The following TAOK3 variants were observed in gnomAD, a reference collection of about 807,000 sequenced individuals.
TAOK3 encodes the protein serine/threonine-protein kinase TAO3.
TAOK3 carries 40 observed loss-of-function variants against 120.4 expected under a neutral mutation model. The observed-to-expected ratio is 0.33, with a 90% CI of 0.26 to 0.43. The LOEUF (loss-of-function observed/expected upper bound fraction) is 0.43. Among genes scored for constraint, TAOK3 ranks in the 20% least tolerant of loss-of-function variants. The pLI is 1.00. For missense variants in TAOK3, 821 were observed against 1,112.1 expected (o/e 0.74, Z 3.72); for synonymous variants, 355 against 387.5 (o/e 0.92, Z 0.99).
At chr12:118,270,197 C>T (rs1240899874) in intron 1 of TAOK3, among the ~76,000 whole-genome samples, 2 of 151,918 alleles carry the variant, frequency 1.3e-5, no homozygotes, top group East Asian at 3.8e-4. Flanking sequence ...ACATACACCT[C>T]CCATTAACTT....
intron 2 of TAOK3, among the ~76,000 whole-genome samples, chr12:118,264,836 C>G (rs766266710): frequency 6.6e-6 from 1 of 151,986 alleles, no homozygotes; most frequent in African/African-American, 2.4e-5. Flanking sequence ...GAGTTCGAGA[C>G]CAGCCTTGCC....
At chr12:118,369,397 G>A (rs1360146923) in intron 1 of TAOK3, among the ~76,000 whole-genome samples, 1 of 152,056 alleles carries the variant, frequency 6.6e-6, no homozygotes, top group Non-Finnish European at 1.5e-5. Context: ...TCTCTTTAAC[G>A]TCTCTGGATC....
intron 16 of TAOK3, among the ~76,000 whole-genome samples, chr12:118,174,732 G>A (rs764596454): frequency 1.3e-5 from 2 of 151,426 alleles, no homozygotes; most frequent in African/African-American, 4.9e-5. Flanking sequence ...GTGTGATCTC[G>A]GCTTACTGCA....
chr12:118,354,643 G>A (rs1193626740), intron 1 of TAOK3, among the ~76,000 whole-genome samples: 1 of 152,066 alleles, frequency 6.6e-6, no homozygotes, highest in Non-Finnish European at 1.5e-5. Context: ...CTCGGTGGGA[G>A]GTGAGTGAAT....
At chr12:118,164,065 G>T (rs1377288294) in intron 17 of TAOK3, among the ~76,000 whole-genome samples, 1 of 151,636 alleles carries the variant, frequency 6.6e-6, no homozygotes, top group Non-Finnish European at 1.5e-5. Context: ...GCTCACGCCT[G>T]CAATCCCAGC....
chr12:118,365,311 C>A (rs2045712768), intron 1 of TAOK3, among the ~76,000 whole-genome samples: 1 of 152,218 alleles, frequency 6.6e-6, no homozygotes, highest in East Asian at 1.9e-4. Context: ...ATTGCTCATG[C>A]AACCTCCATC....
intron 1 of TAOK3, among the ~76,000 whole-genome samples, chr12:118,272,060 C>T (rs545697294): frequency 1.2e-4 from 18 of 152,236 alleles, no homozygotes; most frequent in Admixed American, 5.2e-4. Flanking sequence ...TCTTCGCAAA[C>T]ACTTCTTTAT....
At chr12:118,173,737 T>C (rs764835782) in intron 16 of TAOK3, among the ~76,000 whole-genome samples, 1 of 152,256 alleles carries the variant, frequency 6.6e-6, no homozygotes, top group Non-Finnish European at 1.5e-5. Flanking sequence ...ACTGTTAAGA[T>C]GTTAAACTGT....
rs114412217 is a variant in TAOK3 at position 118,319,684 on chromosome 12, A to C, written c.-193-52925T>G. The stretch of plus-strand genomic sequence containing the variant: ...TTAAGATGATTATAATTAAAAAAAA[A>C]CCAGAAAACAACAAGTGTTGGTGAG... On this transcript the variant is annotated intron_variant, in intron 1 of 20. Transcript: ENST00000392533. Among the ~76,000 whole-genome samples, 231 of 152,298 alleles carry C rather than the reference A, an allele frequency of 1.5e-3. 1 individual carries two copies. The highest frequency in any genetic ancestry group is 3.9e-3 in the African/African-American group (163 of 41,560).
At chr12:118,267,884 C>CAA (rs60331520) in intron 1 of TAOK3, among the ~76,000 whole-genome samples, 126 of 78,714 alleles carry the variant, frequency 1.6e-3, no homozygotes, top group Middle Eastern at 6.7e-3. Flanking sequence ...GACTCCATCT[C>CAA]AAAAAAAAAA....
chr12:118,217,324 C>T (rs1462161229), intron 9 of TAOK3, among the ~76,000 whole-genome samples: 1 of 152,070 alleles, frequency 6.6e-6, no homozygotes, highest in East Asian at 1.9e-4. Flanking sequence ...GACAACTATA[C>T]CTATTCATTT....
chr12:118,154,925 C>A (rs1394464210), intron 19 of TAOK3, among the ~76,000 whole-genome samples: 2 of 152,086 alleles, frequency 1.3e-5, no homozygotes, highest in Non-Finnish European at 2.9e-5. Context: ...TCCCCCTTAT[C>A]CCCCCAAGCC....
intron 9 of TAOK3, among the ~76,000 whole-genome samples, chr12:118,217,842 T>A (rs555102287): frequency 9.8e-6 from 1 of 102,170 alleles, no homozygotes; most frequent in African/African-American, 3.8e-5. Context: ...TATATATATA[T>A]ATATATATAT....
At chr12:118,212,708 G>C (rs1389807906) in intron 11 of TAOK3, among the ~76,000 whole-genome samples, 1 of 152,096 alleles carries the variant, frequency 6.6e-6, no homozygotes, top group African/African-American at 2.4e-5. Flanking sequence ...AAAAGATAGG[G>C]AAAAACCTAT....
At chr12:118,284,419 G>A (rs1224351267) in intron 1 of TAOK3, among the ~76,000 whole-genome samples, 1 of 152,150 alleles carries the variant, frequency 6.6e-6, no homozygotes, top group African/African-American at 2.4e-5. Flanking sequence ...ACAGTGAAGA[G>A]TCAGCAGTTG....
At chr12:118,370,961 A>C (rs519480) in intron 1 of TAOK3, among the ~76,000 whole-genome samples, 3 of 151,976 alleles carry the variant, frequency 2.0e-5, no homozygotes, top group Admixed American at 1.3e-4. Flanking sequence ...TCTAATTGGA[A>C]AGAGCTCTTA....
chr12:118,230,584 T>A (rs1478059277), intron 9 of TAOK3, among the ~76,000 whole-genome samples: 5 of 144,302 alleles, frequency 3.5e-5, no homozygotes, highest in Non-Finnish European at 7.5e-5. Flanking sequence ...TTCTCCTGCC[T>A]CAGCCTCCCG....
chr12:118,321,833 GT>G (rs967304409), intron 1 of TAOK3, among the ~76,000 whole-genome samples: 5 of 148,998 alleles, frequency 3.4e-5, no homozygotes, highest in Admixed American at 6.7e-5. Flanking sequence ...ATTTTTGCAA[GT>G]TTTTTTTTTG....
intron 15 of TAOK3, among the ~76,000 whole-genome samples, chr12:118,178,297 C>T (rs999243396): frequency 1.3e-5 from 2 of 152,104 alleles, no homozygotes; most frequent in African/African-American, 2.4e-5. Context: ...AAGGTTTTTA[C>T]ATCATATTGT....
Sources: allele counts gnomAD v4.1 joint callset (sites outside exome capture counted in the v4.1 genomes callset), GRCh38; gene constraint gnomAD v4.1.1; transcripts MANE v1.5; gene names NCBI Gene and HGNC (gene_info 2026-07-23, HGNC 2026-07-21).